Variants in ZNF487 observed in about 807,000 individuals in gnomAD.
ZNF487 encodes zinc finger protein 487, also known as KRAB domain only 1.
Under a neutral mutation model 3.0 loss-of-function variants are expected in ZNF487, and 4 were observed. That is an observed-to-expected ratio of 1.35 (90% CI 0.66 to 3.08). The LOEUF (loss-of-function observed/expected upper bound fraction) is 3.08, where lower values mean the gene tolerates loss of function less well. Ranked by LOEUF, ZNF487 falls within the 30% of genes most tolerant of loss-of-function variation. ZNF487 has a pLI of 0.01. For missense variants in ZNF487, 146 were observed against 98.7 expected (o/e 1.48, Z -2.03); for synonymous variants, 55 against 34.6 (o/e 1.59, Z -2.06).
chr10:43,493,444 C>T, the ZNF487 span, among the ~76,000 whole-genome samples: 1 of 151,790 alleles, frequency 6.6e-6, no homozygotes, highest in African/African-American at 2.4e-5. Flanking sequence ...CCTGTAATCC[C>T]AGCACTTTGG....
the ZNF487 span, among the ~76,000 whole-genome samples, chr10:43,503,765 C>T: frequency 6.6e-6 from 1 of 152,120 alleles, no homozygotes; most frequent in African/African-American, 2.4e-5. Flanking sequence ...CACCACCATG[C>T]CCAACTAATT....
At chr10:43,441,240 T>G (rs1473564985) in intron 1 of ZNF487, among the ~76,000 whole-genome samples, 8 of 150,764 alleles carry the variant, frequency 5.3e-5, no homozygotes, top group African/African-American at 2.0e-4. Flanking sequence ...GTGCTGGGAG[T>G]ATAGACATGA....
chr10:43,476,207 G>C lies in ZNF487; in HGVS notation c.130+5G>C. On this transcript the variant is annotated splice_donor_5th_base_variant and intron_variant, in intron 3 of 3. Coordinates refer to ENST00000437590, the MANE Select transcript of ZNF487 (RefSeq NM_001355444.3). Reference sequence around the variant, plus strand: ...CCCCAAGTCAGAGCCACCTAGGTGAGTTAATAAATATATAGGAAGCTATAA... The same window carrying C: ...CCCCAAGTCAGAGCCACCTAGGTGACTTAATAAATATATAGGAAGCTATAA... The C allele has an allele frequency of 1.4e-6, 1 of 716,474 alleles. No individual in the cohort carries two copies. 44.4% of individuals were successfully genotyped at this position (716,474 alleles called of 1,614,324 possible).
At chr10:43,470,273 T>A (rs1457244490) in intron 1 of ZNF487, among the ~76,000 whole-genome samples, 1 of 150,372 alleles carries the variant, frequency 6.7e-6, no homozygotes, top group Non-Finnish European at 1.5e-5. Flanking sequence ...AGTGCAGTGG[T>A]GCCATCACGG....
At chr10:43,508,237 G>A in the ZNF487 span, among the ~76,000 whole-genome samples, 2 of 152,014 alleles carry the variant, frequency 1.3e-5, no homozygotes, top group Non-Finnish European at 2.9e-5. Context: ...AATGATTTGA[G>A]GCTCTCTGGA....
At chr10:43,451,687 T>C (rs964193828) in intron 1 of ZNF487, among the ~76,000 whole-genome samples, 6 of 151,616 alleles carry the variant, frequency 4.0e-5, no homozygotes, top group African/African-American at 1.5e-4. Flanking sequence ...TGCCTCAGCC[T>C]CCTGAGTAGC....
At chr10:43,456,891 T>C (rs1226164668) in intron 1 of ZNF487, among the ~76,000 whole-genome samples, 1 of 152,194 alleles carries the variant, frequency 6.6e-6, no homozygotes, top group Non-Finnish European at 1.5e-5. Flanking sequence ...AAGAAAATTA[T>C]GTCTTAAACA....
intron 1 of ZNF487, among the ~76,000 whole-genome samples, chr10:43,440,198 G>A (rs1448432124): frequency 1.3e-5 from 2 of 151,730 alleles, no homozygotes; most frequent in South Asian, 2.1e-4. Flanking sequence ...ACAGGTGCCC[G>A]CCACCATGCC....
chr10:43,481,065 G>C (rs112199424), intron 3 of ZNF487, among the ~76,000 whole-genome samples: 6,945 of 152,150 alleles, frequency 0.046, 226 homozygotes, highest in South Asian at 0.12. Flanking sequence ...GAGCCCAGGA[G>C]GTCAAGGCTG....
At chr10:43,443,979 A>T (rs2132038527) in intron 1 of ZNF487, among the ~76,000 whole-genome samples, 1 of 150,950 alleles carries the variant, frequency 6.6e-6, no homozygotes, top group East Asian at 2.0e-4. Context: ...CAGCCTCCTG[A>T]GTAACTGGGA....
At chr10:43,439,514 C>T (rs1356616842) in intron 1 of ZNF487, among the ~76,000 whole-genome samples, 2 of 152,034 alleles carry the variant, frequency 1.3e-5, no homozygotes, top group Non-Finnish European at 2.9e-5. Flanking sequence ...ACCAGCCTGG[C>T]CAACATGGTG....
At chr10:43,494,765 C>CA in the ZNF487 span, among the ~76,000 whole-genome samples, 853 of 35,732 alleles carry the variant, frequency 0.024, 9 homozygotes, top group Middle Eastern at 0.071. Context: ...ACTAAAAATA[C>CA]AAAAAAAAAA....
At chr10:43,514,873 A>T in the ZNF487 span, among the ~76,000 whole-genome samples, 1 of 152,130 alleles carries the variant, frequency 6.6e-6, no homozygotes, top group African/African-American at 2.4e-5. Context: ...CCCAGCTGGG[A>T]TGAGTAGGTC....
chr10:43,506,601 C>A, the ZNF487 span, among the ~76,000 whole-genome samples: 1 of 152,138 alleles, frequency 6.6e-6, no homozygotes, highest in Non-Finnish European at 1.5e-5. Context: ...AGAATTAAAC[C>A]AGACAATTGC....
At chr10:43,467,834 A>G (rs1840763368) in intron 1 of ZNF487, among the ~76,000 whole-genome samples, 1 of 150,928 alleles carries the variant, frequency 6.6e-6, no homozygotes. Context: ...AAAAAAAAAG[A>G]AAAGAAAAAT....
At chr10:43,481,343 AG>A in intron 3 of ZNF487, 85 bp from the exon 4 acceptor site, 3 of 626,962 alleles carry the variant, frequency 4.8e-6, no homozygotes, top group Non-Finnish European at 2.8e-6. Context: ...AAAAAAAAAA[AG>A]AAAAAAAAAG....
At chr10:43,450,596 C>T (rs1038008527) in intron 1 of ZNF487, among the ~76,000 whole-genome samples, 1 of 152,034 alleles carries the variant, frequency 6.6e-6, no homozygotes, top group Non-Finnish European at 1.5e-5. Flanking sequence ...GTGATCTGCC[C>T]GCCTCGGCCT....
chr10:43,464,623 C>T (rs1474371416), intron 1 of ZNF487, among the ~76,000 whole-genome samples: 2 of 152,180 alleles, frequency 1.3e-5, no homozygotes, highest in Non-Finnish European at 2.9e-5. Flanking sequence ...GCACATCTTG[C>T]ACCGCCCTTA....
At chr10:43,455,743 C>G (rs572293468) in intron 1 of ZNF487, among the ~76,000 whole-genome samples, 1 of 152,240 alleles carries the variant, frequency 6.6e-6, no homozygotes, top group African/African-American at 2.4e-5. Context: ...GCCGAGCCCG[C>G]CGGAGGGCGG....
Sources: allele counts gnomAD v4.1 joint callset (sites outside exome capture counted in the v4.1 genomes callset), GRCh38; gene constraint gnomAD v4.1.1; transcripts MANE v1.5; gene names NCBI Gene and HGNC (gene_info 2026-07-23, HGNC 2026-07-21).